DLGAP2: variants seen among roughly 807,000 people sequenced by gnomAD.
DLGAP2 encodes DLG associated protein 2.
Under a neutral mutation model 100.3 loss-of-function variants are expected in DLGAP2, and 26 were observed. The observed-to-expected ratio is 0.26, with a 90% CI of 0.19 to 0.36. The LOEUF (loss-of-function observed/expected upper bound fraction) is 0.36, where lower values mean the gene tolerates loss of function less well. Ranked by LOEUF, DLGAP2 falls within the 10% of genes least tolerant of loss-of-function variation. DLGAP2 has a pLI of 1.00. For synonymous variants in DLGAP2, 886 were observed against 630.1 expected (o/e 1.41, Z -6.08); for missense variants, 1,858 against 1,453.2 (o/e 1.28, Z -4.53).
At chr8:1,164,601 G>A (rs915801014) in intron 2 of DLGAP2, among the ~76,000 whole-genome samples, 4 of 151,974 alleles carry the variant, frequency 2.6e-5, no homozygotes, top group African/African-American at 9.7e-5. Context: ...ATGCCACAAA[G>A]CCCAAGTCAG....
chr8:937,398 AT>A (rs1484586990), intron 2 of DLGAP2, among the ~76,000 whole-genome samples: 2 of 152,166 alleles, frequency 1.3e-5, no homozygotes, highest in Non-Finnish European at 2.9e-5. Context: ...CTCCAAAAAA[AT>A]TTTTTTAAGA....
At chr8:1,621,967 CT>C (rs2130759150) in intron 6 of DLGAP2, 1 of 152,300 alleles carries the variant, frequency 6.6e-6, no homozygotes, top group East Asian at 1.9e-4. Flanking sequence ...GCACAGAAAG[CT>C]CAAGAACACT....
chr8:1,048,886 C>G (rs554948386), intron 2 of DLGAP2, among the ~76,000 whole-genome samples: 2 of 152,114 alleles, frequency 1.3e-5, no homozygotes, highest in Non-Finnish European at 2.9e-5. Flanking sequence ...ATAAATATGA[C>G]TAAGTGATTT....
At chr8:1,422,176 T>C (rs1348501389) in intron 3 of DLGAP2, among the ~76,000 whole-genome samples, 1 of 152,186 alleles carries the variant, frequency 6.6e-6, no homozygotes, top group East Asian at 1.9e-4. Context: ...GGATGTTTCC[T>C]AATGTCTTAT....
At chr8:945,138 C>T (rs1334894445) in intron 2 of DLGAP2, among the ~76,000 whole-genome samples, 1 of 152,204 alleles carries the variant, frequency 6.6e-6, no homozygotes, top group Non-Finnish European at 1.5e-5. Flanking sequence ...GCACAAAACA[C>T]CCCTAAGAAC....
chr8:1,633,118 G>A lies in DLGAP2; in HGVS notation c.1810+72G>A, dbSNP rs1797690884. 59 of 1,468,000 alleles carry A rather than the reference G, an allele frequency of 4.0e-5. No homozygotes were observed. In the South Asian group the frequency reaches 5.1e-4, roughly 13 times the overall value. The allele number at this position is 1,468,000 out of a possible 1,614,324, so 90.9% of individuals were successfully genotyped here. A position where few individuals can be genotyped will look rare whatever the true frequency, so the allele number is the denominator to read the frequency against. On this transcript the variant is annotated intron_variant, in intron 8 of 14. Coordinates refer to ENST00000637795, the MANE Select transcript of DLGAP2 (RefSeq NM_001346810.2). ...TACCTGTCTTCATCCTAGAAGGAGC[G>A]AGCAGCACACAGCACCACAGTACAA...
chr8:1,556,391 G>A (rs1464322385), intron 5 of DLGAP2, among the ~76,000 whole-genome samples: 1 of 152,184 alleles, frequency 6.6e-6, no homozygotes, highest in Non-Finnish European at 1.5e-5. Context: ...GGTGGACGGG[G>A]TTTGGCTCTG....
chr8:1,545,519 G>A (rs1801504687), intron 4 of DLGAP2, among the ~76,000 whole-genome samples: 1 of 152,104 alleles, frequency 6.6e-6, no homozygotes, highest in Admixed American at 6.5e-5. Context: ...AAACTAAGAT[G>A]CTTTCCGCAT....
At chr8:1,176,319 G>A (rs567916508) in intron 2 of DLGAP2, among the ~76,000 whole-genome samples, 1 of 151,740 alleles carries the variant, frequency 6.6e-6, no homozygotes, top group South Asian at 2.1e-4. Flanking sequence ...CTTTCCTCAG[G>A]TTCCTCGCTC....
chr8:1,085,571 A>T (rs1431716395), intron 2 of DLGAP2, among the ~76,000 whole-genome samples: 1 of 152,198 alleles, frequency 6.6e-6, no homozygotes, highest in Non-Finnish European at 1.5e-5. Flanking sequence ...ATTGAAGATC[A>T]AGCTGTGCAT....
chr8:1,192,687 T>G (rs1227784747), intron 2 of DLGAP2, among the ~76,000 whole-genome samples: 1 of 151,678 alleles, frequency 6.6e-6, no homozygotes, highest in Non-Finnish European at 1.5e-5. Context: ...TAATTATTAT[T>G]ATACTTTAAG....
At chr8:1,575,327 A>C (rs1276062390) in intron 6 of DLGAP2, among the ~76,000 whole-genome samples, 4 of 152,002 alleles carry the variant, frequency 2.6e-5, no homozygotes, top group Non-Finnish European at 5.9e-5. Context: ...TCCCCACCTA[A>C]ATACAGGACC....
intron 3 of DLGAP2, among the ~76,000 whole-genome samples, chr8:1,307,808 A>C (rs545607892): frequency 3.3e-5 from 5 of 152,290 alleles, no homozygotes; most frequent in Admixed American, 6.5e-5. Flanking sequence ...TGAGGTACGA[A>C]AGCAGTCGAA....
chr8:1,164,238 TTTTTC>T lies in DLGAP2; in HGVS notation c.74-94611_74-94607del, dbSNP rs1320562219. Among the ~76,000 whole-genome samples the T allele has an allele frequency of 1.9e-4, 29 of 149,006 alleles. 1 individual carries two copies. The highest frequency in any genetic ancestry group is 4.2e-4 in the South Asian group (2 of 4,716). On this transcript the variant is annotated intron_variant, in intron 2 of 14. Coordinates refer to ENST00000637795, the MANE Select transcript of DLGAP2 (RefSeq NM_001346810.2). ...CGTCATTTTGGTTTGTGGGGACAGATTTTTCTGTGAGCCCCCCCAGGGCCCCTCGT... is the reference window on the plus strand; with the variant it reads ...CGTCATTTTGGTTTGTGGGGACAGATTGTGAGCCCCCCCAGGGCCCCTCGT...
At chr8:1,295,023 A>T (rs1239688520) in intron 3 of DLGAP2, among the ~76,000 whole-genome samples, 1 of 152,176 alleles carries the variant, frequency 6.6e-6, no homozygotes, top group African/African-American at 2.4e-5. Context: ...TTGTTAATAG[A>T]AGGGTGATAT....
At chr8:1,687,551 T>A (rs1799147349) in intron 12 of DLGAP2, among the ~76,000 whole-genome samples, 2 of 152,358 alleles carry the variant, frequency 1.3e-5, no homozygotes, top group Non-Finnish European at 2.9e-5. Flanking sequence ...CTCCTACCAT[T>A]AGCAGGCATG....
intron 1 of DLGAP2, among the ~76,000 whole-genome samples, chr8:760,160 C>G (rs949061295): frequency 6.6e-6 from 1 of 152,166 alleles, no homozygotes; most frequent in African/African-American, 2.4e-5. Flanking sequence ...TTCTTCTTCT[C>G]TTGCATTTCC....
chr8:836,057 G>C, intron 1 of DLGAP2, among the ~76,000 whole-genome samples: 1 of 152,328 alleles, frequency 6.6e-6, no homozygotes, highest in South Asian at 2.1e-4. Context: ...TAAATGCCGA[G>C]ATGTAAAGGA....
intron 1 of DLGAP2, among the ~76,000 whole-genome samples, chr8:833,924 T>C (rs771080807): frequency 1.8e-4 from 27 of 152,082 alleles, no homozygotes; most frequent in Admixed American, 3.3e-4. Context: ...AAGAAAAAAA[T>C]TATTTATGGA....
Sources: allele counts gnomAD v4.1 joint callset (sites outside exome capture counted in the v4.1 genomes callset), GRCh38; gene constraint gnomAD v4.1.1; transcripts MANE v1.5; gene names NCBI Gene and HGNC (gene_info 2026-07-23, HGNC 2026-07-21).